Variants in LRRTM4 observed in about 807,000 individuals in gnomAD.
The protein encoded by LRRTM4 is leucine-rich repeat transmembrane neuronal protein 4.
Under a neutral mutation model 47.6 loss-of-function variants are expected in LRRTM4, and 25 were observed. The observed-to-expected ratio is 0.53, with a 90% CI of 0.38 to 0.73. The LOEUF is 0.73. LRRTM4 is among the 30% of genes least tolerant of loss of function. LRRTM4 has a pLI of 0.00. For synonymous variants in LRRTM4, 311 were observed against 269.5 expected, an observed-to-expected ratio of 1.15 and a Z score of -1.51; for missense variants, 638 against 713.4, an observed-to-expected ratio of 0.89 and a Z score of 1.20.
chr2:77,481,306 T>C (rs994105853), intron 3 of LRRTM4, among the ~76,000 whole-genome samples: 1 of 152,132 alleles, frequency 6.6e-6, no homozygotes, highest in African/African-American at 2.4e-5. Context: ...CTGCCCAGGA[T>C]CATAGATCTA....
intron 3 of LRRTM4, among the ~76,000 whole-genome samples, chr2:77,238,474 C>T (rs918321051): frequency 2.6e-5 from 4 of 151,918 alleles, no homozygotes; most frequent in South Asian, 4.2e-4. Flanking sequence ...TCCTAATACA[C>T]AAATGAGGAT....
At position 77,291,830 on chromosome 2, in the gene LRRTM4, C is replaced by A. The variant is rs145349383; in HGVS notation, c.1551+226488G>T. ...ACACCAAAAGCAATGGCAACAAAAG[C>A]CAAAATTGAAAACTGGGATCTAATT... On this transcript the variant is annotated intron_variant, in intron 3 of 3. Transcript: ENST00000409884. Among the ~76,000 whole-genome samples, 621 of 151,926 alleles carry A rather than the reference C, an allele frequency of 4.1e-3. 3 individuals are homozygous for A. Among genetic ancestry groups the A allele is most frequent in the African/African-American group, 0.014 (584 of 41,458 alleles).
intron 3 of LRRTM4, among the ~76,000 whole-genome samples, chr2:77,154,923 G>A (rs979273712): frequency 1.8e-4 from 27 of 152,154 alleles, no homozygotes; most frequent in South Asian, 1.0e-3. Context: ...ATTAACAATG[G>A]TATCTTTATC....
At chr2:77,228,344 T>C (rs1054147960) in intron 3 of LRRTM4, among the ~76,000 whole-genome samples, 1 of 152,122 alleles carries the variant, frequency 6.6e-6, no homozygotes, top group African/African-American at 2.4e-5. Context: ...TAATCTGGTT[T>C]TGTCCCACCT....
At chr2:76,855,205 C>A (rs542074353) in intron 3 of LRRTM4, among the ~76,000 whole-genome samples, 82 of 152,230 alleles carry the variant, frequency 5.4e-4, no homozygotes, top group Non-Finnish European at 1.0e-3. Flanking sequence ...AGGTAACTGG[C>A]ACAAGATCAT....
At chr2:76,976,113 A>G (rs1230423743) in intron 3 of LRRTM4, among the ~76,000 whole-genome samples, 1 of 151,798 alleles carries the variant, frequency 6.6e-6, no homozygotes, top group East Asian at 1.9e-4. Flanking sequence ...ACCTTTATAC[A>G]AATTTTAATC....
At chr2:77,071,970 T>C (rs1352523785) in intron 3 of LRRTM4, among the ~76,000 whole-genome samples, 5 of 152,190 alleles carry the variant, frequency 3.3e-5, no homozygotes, top group African/African-American at 1.2e-4. Flanking sequence ...TTTTTTGACT[T>C]GGTAAGACTC....
intron 3 of LRRTM4, among the ~76,000 whole-genome samples, chr2:77,264,236 T>G (rs1675992408): frequency 6.6e-6 from 1 of 152,060 alleles, no homozygotes; most frequent in African/African-American, 2.4e-5. Context: ...TCCTCCTGGC[T>G]TGTAGGTGGT....
chr2:76,880,830 G>A (rs561473405), intron 3 of LRRTM4, among the ~76,000 whole-genome samples: 32 of 152,212 alleles, frequency 2.1e-4, no homozygotes, highest in African/African-American at 7.7e-4. Context: ...AAGCAAACAA[G>A]AATCCAATTG....
intron 3 of LRRTM4, among the ~76,000 whole-genome samples, chr2:77,476,187 T>C (rs1295355420): frequency 6.6e-6 from 1 of 152,052 alleles, no homozygotes; most frequent in Non-Finnish European, 1.5e-5. Context: ...CCATGTGAGT[T>C]CATTAATGGA....
chr2:76,892,320 G>C (rs1051761504), intron 3 of LRRTM4, among the ~76,000 whole-genome samples: 1 of 151,038 alleles, frequency 6.6e-6, no homozygotes, highest in Non-Finnish European at 1.5e-5. Flanking sequence ...TTGGCTATTT[G>C]GTTATTTGAA....
intron 3 of LRRTM4, among the ~76,000 whole-genome samples, chr2:77,319,584 C>A (rs61634067): frequency 6.6e-6 from 1 of 152,122 alleles, no homozygotes; most frequent in African/African-American, 2.4e-5. Flanking sequence ...ATCCTTATGT[C>A]CCCTTCTCCT....
intron 3 of LRRTM4, among the ~76,000 whole-genome samples, chr2:77,232,698 A>T (rs1000483589): frequency 2.0e-5 from 3 of 152,232 alleles, no homozygotes; most frequent in Non-Finnish European, 4.4e-5. Context: ...TTTTATAAAG[A>T]GCACTATGAA....
intron 3 of LRRTM4, among the ~76,000 whole-genome samples, chr2:77,041,586 CTTT>C (rs1679036028): frequency 6.6e-6 from 1 of 151,224 alleles, no homozygotes; most frequent in South Asian, 2.1e-4. Context: ...TATTTTTCGT[CTTT>C]TTTAGCCATT....
chr2:77,520,097 C>G (rs143565473), intron 2 of LRRTM4, among the ~76,000 whole-genome samples: 1 of 152,038 alleles, frequency 6.6e-6, no homozygotes, highest in African/African-American at 2.4e-5. Flanking sequence ...TTAAGAAAAG[C>G]CTTTTTGAGT....
intron 3 of LRRTM4, among the ~76,000 whole-genome samples, chr2:77,194,903 A>G (rs1352184901): frequency 6.6e-6 from 1 of 151,864 alleles, no homozygotes; most frequent in East Asian, 1.9e-4. Flanking sequence ...ATGCATTTAT[A>G]TTAAAAGAAA....
intron 3 of LRRTM4, among the ~76,000 whole-genome samples, chr2:77,153,886 A>T (rs978969267): frequency 1.3e-5 from 2 of 152,182 alleles, no homozygotes; most frequent in African/African-American, 4.8e-5. Context: ...AATTATTAAA[A>T]GCTTATACTG....
chr2:76,753,295 A>G (rs1472264402), intron 3 of LRRTM4, among the ~76,000 whole-genome samples: 6 of 152,194 alleles, frequency 3.9e-5, no homozygotes, highest in Non-Finnish European at 7.4e-5. Context: ...GATACTGAAC[A>G]AAGAAGGAAT....
At chr2:76,915,395 T>C (rs1674208428) in intron 3 of LRRTM4, among the ~76,000 whole-genome samples, 1 of 152,222 alleles carries the variant, frequency 6.6e-6, no homozygotes, top group African/African-American at 2.4e-5. Flanking sequence ...ACTGCCTCTG[T>C]CACATATGCA....
Sources: allele counts gnomAD v4.1 joint callset (sites outside exome capture counted in the v4.1 genomes callset), GRCh38; gene constraint gnomAD v4.1.1; transcripts MANE v1.5; gene names NCBI Gene and HGNC (gene_info 2026-07-23, HGNC 2026-07-21).